ANKS1B: variants seen among roughly 807,000 people sequenced by gnomAD.
The protein encoded by ANKS1B is ankyrin repeat and sterile alpha motif domain-containing protein 1B.
ANKS1B carries 36 observed loss-of-function variants against 148.3 expected under a neutral mutation model. The observed-to-expected ratio is 0.24, with a 90% CI of 0.19 to 0.32. The LOEUF is 0.32. Ranked by LOEUF, ANKS1B falls within the 10% of genes least tolerant of loss-of-function variation. The pLI, the probability that ANKS1B is intolerant of heterozygous loss-of-function variation, is 1.00. For missense variants in ANKS1B, 1,157 were observed against 1,542.6 expected, an observed-to-expected ratio of 0.75 and a Z score of 4.19; for synonymous variants, 542 against 560.8, an observed-to-expected ratio of 0.97 and a Z score of 0.47.
At chr12:99,798,451 T>TA (rs2066531018) in intron 4 of ANKS1B, among the ~76,000 whole-genome samples, 1 of 144,942 alleles carries the variant, frequency 6.9e-6, no homozygotes, top group Admixed American at 6.9e-5. Flanking sequence ...AAACAAAAGA[T>TA]AACAACTCAA....
chr12:99,189,728 C>T (rs895880415), intron 14 of ANKS1B, among the ~76,000 whole-genome samples: 1 of 152,000 alleles, frequency 6.6e-6, no homozygotes, highest in African/African-American at 2.4e-5. Context: ...ACCCACAGCC[C>T]ATATCATACT....
intron 14 of ANKS1B, among the ~76,000 whole-genome samples, chr12:99,197,475 G>A (rs531437012): frequency 6.6e-5 from 10 of 152,198 alleles, no homozygotes; most frequent in African/African-American, 2.2e-4. Context: ...TCCTAGGAAC[G>A]TATAAACATG....
chr12:99,007,796 T>C (rs1308613382), intron 17 of ANKS1B, among the ~76,000 whole-genome samples: 1 of 152,098 alleles, frequency 6.6e-6, no homozygotes, highest in East Asian at 1.9e-4. Flanking sequence ...TTAATGTCTC[T>C]TGGCTTTCTC....
At chr12:99,675,810 T>C (rs1002755597) in intron 8 of ANKS1B, among the ~76,000 whole-genome samples, 1 of 152,150 alleles carries the variant, frequency 6.6e-6, no homozygotes, top group Non-Finnish European at 1.5e-5. Context: ...GTGTGTATAC[T>C]TTTATATATT....
At chr12:98,887,650 C>G (rs1325837213) in intron 17 of ANKS1B, among the ~76,000 whole-genome samples, 1 of 152,206 alleles carries the variant, frequency 6.6e-6, no homozygotes, top group East Asian at 1.9e-4. Flanking sequence ...CTCTGTCTCC[C>G]AGGCTGGAGT....
intron 9 of ANKS1B, among the ~76,000 whole-genome samples, chr12:99,536,648 G>A (rs1424771299): frequency 6.6e-6 from 1 of 152,198 alleles, no homozygotes; most frequent in East Asian, 1.9e-4. Flanking sequence ...TACACAGTAG[G>A]TGTATGTATT....
intron 8 of ANKS1B, among the ~76,000 whole-genome samples, chr12:99,659,579 AATTAT>A (rs2098465997): frequency 6.6e-6 from 1 of 152,090 alleles, no homozygotes; most frequent in South Asian, 2.1e-4. Flanking sequence ...TTTTGAGAAT[AATTAT>A]ATTAGTCTAA....
intron 12 of ANKS1B, among the ~76,000 whole-genome samples, chr12:99,342,085 A>G (rs535569338): frequency 6.6e-6 from 1 of 152,106 alleles, no homozygotes; most frequent in Non-Finnish European, 1.5e-5. Context: ...AGACCTAGGA[A>G]TATGGTGGTG....
chr12:99,753,633 A>G (rs2061312975), intron 8 of ANKS1B, among the ~76,000 whole-genome samples: 1 of 152,102 alleles, frequency 6.6e-6, no homozygotes, highest in Non-Finnish European at 1.5e-5. Flanking sequence ...TTGTCTGAAA[A>G]GGATCTTATT....
At chr12:99,633,571 C>A (rs1286009553) in intron 9 of ANKS1B, among the ~76,000 whole-genome samples, 1 of 152,142 alleles carries the variant, frequency 6.6e-6, no homozygotes, top group Non-Finnish European at 1.5e-5. Context: ...AGGACATAGG[C>A]ATGGGCAAGG....
chr12:99,266,884 T>C (rs1471374726), intron 12 of ANKS1B, among the ~76,000 whole-genome samples: 1 of 152,216 alleles, frequency 6.6e-6, no homozygotes, highest in East Asian at 1.9e-4. Context: ...GTGTTCTTGA[T>C]GTTTGCTAGG....
chr12:99,524,800 T>G (rs1053296064), intron 9 of ANKS1B, among the ~76,000 whole-genome samples: 1 of 152,134 alleles, frequency 6.6e-6, no homozygotes, highest in African/African-American at 2.4e-5. Context: ...CTCATGAGAT[T>G]TATTCCCTAC....
chr12:98,918,180 T>C (rs1011583911), intron 17 of ANKS1B, among the ~76,000 whole-genome samples: 4 of 152,224 alleles, frequency 2.6e-5, no homozygotes, highest in Non-Finnish European at 5.9e-5. Context: ...CACCTCCCCA[T>C]GGCCCCTCAG....
At chr12:99,159,453 C>A (rs768035965) in intron 14 of ANKS1B, among the ~76,000 whole-genome samples, 1 of 152,090 alleles carries the variant, frequency 6.6e-6, no homozygotes, top group Admixed American at 6.6e-5. Flanking sequence ...TATTTAGCTC[C>A]CACTTATAAG....
intron 8 of ANKS1B, among the ~76,000 whole-genome samples, chr12:99,679,665 A>G (rs1384781863): frequency 6.6e-6 from 1 of 152,220 alleles, no homozygotes; most frequent in Non-Finnish European, 1.5e-5. Context: ...AGAGAAAAGC[A>G]GATATTTTCA....
intron 17 of ANKS1B, among the ~76,000 whole-genome samples, chr12:98,998,309 A>T (rs1323054624): frequency 6.6e-6 from 1 of 152,238 alleles, no homozygotes; most frequent in Non-Finnish European, 1.5e-5. Flanking sequence ...AAGCACATTT[A>T]AAAAGTTAGG....
chr12:99,217,785 T>A (rs1245221425), intron 14 of ANKS1B, among the ~76,000 whole-genome samples: 2 of 152,206 alleles, frequency 1.3e-5, no homozygotes, highest in African/African-American at 4.8e-5. Context: ...TGTGTAAGTG[T>A]CCCATTTTAG....
At chr12:99,081,964 C>A (rs2049939358) in intron 16 of ANKS1B, among the ~76,000 whole-genome samples, 1 of 152,090 alleles carries the variant, frequency 6.6e-6, no homozygotes, top group African/African-American at 2.4e-5. Context: ...ACTGTCTCTG[C>A]CCTCAGGATG....
chr12:99,307,416 A>T, intron 12 of ANKS1B, among the ~76,000 whole-genome samples: 1 of 152,088 alleles, frequency 6.6e-6, no homozygotes, highest in Non-Finnish European at 1.5e-5. Context: ...CAAAGGTCCC[A>T]AGAGAGTGGG....
Sources: gnomAD v4.1 joint callset for allele counts (sites outside exome capture counted in the v4.1 genomes callset) on GRCh38, gnomAD v4.1.1 for gene constraint, MANE v1.5 for transcripts, NCBI Gene and HGNC (gene_info 2026-07-23, HGNC 2026-07-21) for gene names.